The following BMERB1 variants were observed in gnomAD, a reference collection of about 807,000 sequenced individuals.
BMERB1 encodes the protein bMERB domain-containing protein 1.
In BMERB1, 12 loss-of-function variants were observed where a neutral mutation model predicts 23.6. The ratio of observed to expected loss-of-function variants is 0.51; its 90% CI spans 0.33 to 0.82. The LOEUF is 0.82. BMERB1 is among the 40% of genes least tolerant of loss of function. The pLI is 0.03. For synonymous variants in BMERB1, 122 were observed against 96.6 expected (o/e 1.26, Z -1.54); for missense variants, 247 against 255.4 (o/e 0.97, Z 0.22).
chr16:15,584,237 G>A, intron 5 of BMERB1: 1 of 552,320 alleles, frequency 1.8e-6, no homozygotes, highest in Non-Finnish European at 3.2e-6. Context: ...TTTAACTGCT[G>A]TATTAGTGAG....
chr16:15,580,179 CT>C (rs1414359501), intron 3 of BMERB1, among the ~76,000 whole-genome samples: 9 of 150,952 alleles, frequency 6.0e-5, no homozygotes, highest in Admixed American at 5.9e-4. Context: ...TCACTGCAGC[CT>C]AGAACTCCTG....
intron 2 of BMERB1, among the ~76,000 whole-genome samples, chr16:15,554,457 T>A (rs1388202632): frequency 6.6e-6 from 1 of 152,132 alleles, no homozygotes; most frequent in Non-Finnish European, 1.5e-5. Context: ...CTGTATTGTT[T>A]GATGTTTTTA....
At chr16:15,470,136 G>A (rs903684384) in intron 1 of BMERB1, among the ~76,000 whole-genome samples, 2 of 152,102 alleles carry the variant, frequency 1.3e-5, no homozygotes, top group African/African-American at 4.8e-5. Context: ...ACTTTATTAA[G>A]TTGAGAATGT....
chr16:15,487,979 G>A (rs1228977337), intron 1 of BMERB1, among the ~76,000 whole-genome samples: 1 of 152,146 alleles, frequency 6.6e-6, no homozygotes, highest in Non-Finnish European at 1.5e-5. Context: ...TATCGGTCAG[G>A]TCTTTGTGAC....
chr16:15,532,806 A>G (rs1484091992), intron 2 of BMERB1, among the ~76,000 whole-genome samples: 2 of 151,900 alleles, frequency 1.3e-5, no homozygotes, highest in African/African-American at 2.4e-5. Flanking sequence ...CGGCCTCCCA[A>G]AGTGTTGGGA....
At chr16:15,562,977 G>T (rs2030464910) in intron 2 of BMERB1, among the ~76,000 whole-genome samples, 1 of 152,212 alleles carries the variant, frequency 6.6e-6, no homozygotes, top group Non-Finnish European at 1.5e-5. Flanking sequence ...CATTAGAATG[G>T]ACAGCATGAG....
intron 1 of BMERB1, among the ~76,000 whole-genome samples, chr16:15,471,194 A>G (rs1352644336): frequency 2.6e-5 from 4 of 152,092 alleles, no homozygotes; most frequent in Admixed American, 2.0e-4. Context: ...TTAATTCTTT[A>G]AAGATTTGAT....
chr16:15,551,806 C>T (rs557929497), intron 2 of BMERB1, among the ~76,000 whole-genome samples: 3 of 152,272 alleles, frequency 2.0e-5, no homozygotes, highest in South Asian at 2.1e-4. Context: ...AAAGCAAGCA[C>T]GTCTTACGTG....
At chr16:15,497,997 G>T (rs2051490862) in intron 1 of BMERB1, among the ~76,000 whole-genome samples, 1 of 152,192 alleles carries the variant, frequency 6.6e-6, no homozygotes, top group Non-Finnish European at 1.5e-5. Context: ...TGCTCAATGT[G>T]TGAATCCCCT....
Position 15,509,298 on chromosome 16 carries a change from G to A in BMERB1, c.107-6007G>A, listed in dbSNP as rs58837030. Among the ~76,000 whole-genome samples the A allele has an allele frequency of 5.6e-4, 79 of 140,742 alleles. 1 individual carries two copies. The highest frequency in any genetic ancestry group is 2.1e-3 in the African/African-American group (76 of 36,816). The allele number at this position is 140,742 out of a possible 152,430, so 92.3% of individuals were successfully genotyped here. ...AGCCCTCACCAGGAGGCTGGATTAC[G>A]TGGTTAAGGTCACGTGGTTGTGGAG... On this transcript the variant is annotated intron_variant, in intron 1 of 5. Coordinates refer to ENST00000300006, the MANE Select transcript of BMERB1 (RefSeq NM_033201.3).
At chr16:15,493,169 A>T (rs564499292) in intron 1 of BMERB1, among the ~76,000 whole-genome samples, 43 of 152,138 alleles carry the variant, frequency 2.8e-4, no homozygotes, top group Non-Finnish European at 5.6e-4. Context: ...CCTGACCAAC[A>T]TGGAGAAACC....
intron 2 of BMERB1, among the ~76,000 whole-genome samples, chr16:15,564,366 C>CA (rs2030509805): frequency 6.6e-6 from 1 of 151,864 alleles, no homozygotes; most frequent in South Asian, 2.1e-4. Flanking sequence ...TTCACCCAAA[C>CA]AAAAAATCAC....
intron 1 of BMERB1, among the ~76,000 whole-genome samples, chr16:15,500,720 C>T (rs153789): frequency 7.9e-5 from 12 of 152,054 alleles, no homozygotes. Flanking sequence ...GGCGCAGTCT[C>T]GGCTCACTGC....
At chr16:15,492,452 A>G (rs1277650393) in intron 1 of BMERB1, among the ~76,000 whole-genome samples, 1 of 152,222 alleles carries the variant, frequency 6.6e-6, no homozygotes, top group Non-Finnish European at 1.5e-5. Flanking sequence ...GGAAGCACTC[A>G]TAACTCCCTA....
chr16:15,547,328 TG>T (rs1330699573), intron 2 of BMERB1, among the ~76,000 whole-genome samples: 4 of 150,696 alleles, frequency 2.7e-5, no homozygotes, highest in Non-Finnish European at 4.4e-5. Flanking sequence ...CCTTCAGCTT[TG>T]TTTTTTTCTT....
At position 15,540,383 on chromosome 16, in the gene BMERB1, G is replaced by T. The variant is rs114136823; in HGVS notation, c.230+24955G>T. 8.7e-3 allele frequency among the ~76,000 whole-genome samples: 1,328 copies of T among 151,958 alleles called. 20 individuals carry two copies. Among genetic ancestry groups the T allele is most frequent in the African/African-American group, 0.03 (1,243 of 41,454 alleles). On this transcript the variant is annotated intron_variant, in intron 2 of 5. Coordinates refer to ENST00000300006, the MANE Select transcript of BMERB1 (RefSeq NM_033201.3). Reference sequence around the variant, plus strand: ...TCTACTAAAAATACAAAAATTAGCGGCTCTCGGTGGCATGCACCTATAATC... The same window carrying T: ...TCTACTAAAAATACAAAAATTAGCGTCTCTCGGTGGCATGCACCTATAATC...
intron 2 of BMERB1, among the ~76,000 whole-genome samples, chr16:15,557,093 G>A (rs777295604): frequency 7.2e-5 from 11 of 152,086 alleles, no homozygotes; most frequent in Admixed American, 6.6e-5. Flanking sequence ...CAAACATTTT[G>A]TAAAGCAGCA....
At chr16:15,540,449 C>G (rs975287111) in intron 2 of BMERB1, among the ~76,000 whole-genome samples, 2 of 151,780 alleles carry the variant, frequency 1.3e-5, no homozygotes, top group Non-Finnish European at 2.9e-5. Flanking sequence ...TCACTTGAAC[C>G]TGAGAGGTGG....
chr16:15,481,727 C>CT (rs879776666), intron 1 of BMERB1, among the ~76,000 whole-genome samples: 2,537 of 144,278 alleles, frequency 0.018, 56 homozygotes, highest in African/African-American at 0.051. Context: ...TCTTTTCTTT[C>CT]TTTTTTTTTT....
Sources: gnomAD v4.1 joint callset for allele counts (sites outside exome capture counted in the v4.1 genomes callset) on GRCh38, gnomAD v4.1.1 for gene constraint, MANE v1.5 for transcripts, NCBI Gene and HGNC (gene_info 2026-07-23, HGNC 2026-07-21) for gene names.